PITPNC1: variants seen among roughly 807,000 people sequenced by gnomAD.
PITPNC1 encodes the protein phosphatidylinositol transfer protein cytoplasmic 1.
PITPNC1 carries 18 observed loss-of-function variants against 44.7 expected under a neutral mutation model. That is an observed-to-expected ratio of 0.40 (90% CI 0.28 to 0.60). PITPNC1 has a LOEUF of 0.60. Ranked by LOEUF, PITPNC1 falls within the 20% of genes least tolerant of loss-of-function variation. The pLI is 0.39. For missense variants in PITPNC1, 290 were observed against 418.4 expected (o/e 0.69, Z 2.68); for synonymous variants, 141 against 149.6 (o/e 0.94, Z 0.42).
At chr17:67,528,774 C>T (rs564428966) in intron 1 of PITPNC1, among the ~76,000 whole-genome samples, 1 of 152,298 alleles carries the variant, frequency 6.6e-6, no homozygotes, top group Non-Finnish European at 1.5e-5. Flanking sequence ...TCTGGAACAA[C>T]CTGAGATTCA....
chr17:67,642,567 G>T (rs1003532411), intron 6 of PITPNC1, among the ~76,000 whole-genome samples: 1 of 152,172 alleles, frequency 6.6e-6, no homozygotes, highest in Admixed American at 6.5e-5. Context: ...CAACAACCCT[G>T]GCTGCACCAT....
intron 5 of PITPNC1, among the ~76,000 whole-genome samples, chr17:67,624,817 C>G (rs1038375534): frequency 6.6e-6 from 1 of 152,144 alleles, no homozygotes; most frequent in African/African-American, 2.4e-5. Flanking sequence ...AGCCACCATG[C>G]CTGGCCACCA....
chr17:67,450,632 G>A (rs1162319103), intron 1 of PITPNC1, among the ~76,000 whole-genome samples: 2 of 152,080 alleles, frequency 1.3e-5, no homozygotes, highest in Non-Finnish European at 2.9e-5. Context: ...TCGCTGTGTT[G>A]CCCAGGCTGG....
At chr17:67,511,480 G>A (rs1202202343) in intron 1 of PITPNC1, among the ~76,000 whole-genome samples, 3 of 152,014 alleles carry the variant, frequency 2.0e-5, no homozygotes, top group African/African-American at 4.8e-5. Flanking sequence ...GACCGAGGTC[G>A]GTTCCCTTCA....
chr17:67,510,258 A>G (rs915814853), intron 1 of PITPNC1, among the ~76,000 whole-genome samples: 1 of 152,156 alleles, frequency 6.6e-6, no homozygotes, highest in African/African-American at 2.4e-5. Flanking sequence ...CAGTGGCTTC[A>G]CTGTCTTTCA....
In PITPNC1 at chr17:67,693,681, CCTTGA is replaced by C. The variant is rs2042966720; in HGVS notation, c.*798_*802del. 6.6e-6 allele frequency: 1 copy of C among 152,170 alleles called. No individual in the cohort carries two copies. The highest frequency in any genetic ancestry group is 2.1e-4 in the South Asian group (1 of 4,832). 9.4% of individuals were successfully genotyped at this position (152,170 alleles called of 1,614,324 possible). A position where few individuals can be genotyped will look rare whatever the true frequency, so the allele number is the denominator to read the frequency against. On this transcript the variant is annotated 3_prime_UTR_variant, in exon 9 of 9. Coordinates refer to ENST00000581322, the MANE Select transcript of PITPNC1 (RefSeq NM_012417.4). ...TTTTTTCTCTACAGGTACCAACAAACCTTGACTTGTCAGCTTCCATCATCAATTAA... is the reference window on the plus strand; with the variant it reads ...TTTTTTCTCTACAGGTACCAACAAACCTTGTCAGCTTCCATCATCAATTAA...
At chr17:67,393,851 T>G (rs561514715) in intron 1 of PITPNC1, among the ~76,000 whole-genome samples, 7 of 152,324 alleles carry the variant, frequency 4.6e-5, no homozygotes, top group East Asian at 3.9e-4. Context: ...GCTTATTTTT[T>G]GGGATTTTAG....
chr17:67,678,778 T>A (rs1011711676), intron 8 of PITPNC1, among the ~76,000 whole-genome samples: 1 of 152,224 alleles, frequency 6.6e-6, no homozygotes, highest in Non-Finnish European at 1.5e-5. Flanking sequence ...AGCATTACCC[T>A]TCCACTCCAT....
At chr17:67,470,532 C>G (rs919327121) in intron 1 of PITPNC1, among the ~76,000 whole-genome samples, 13 of 152,202 alleles carry the variant, frequency 8.5e-5, no homozygotes, top group African/African-American at 2.9e-4. Flanking sequence ...TTGCTCAACA[C>G]AATGTTTTTG....
At chr17:67,447,089 C>CAAAAAAAAAAAA (rs749024248) in intron 1 of PITPNC1, among the ~76,000 whole-genome samples, 1 of 35,344 alleles carries the variant, frequency 2.8e-5, no homozygotes, top group African/African-American at 1.0e-4. Flanking sequence ...GACTCTGTCT[C>CAAAAAAAAAAAA]AAAAAAAAAA....
In PITPNC1 at chr17:67,645,934, GGCC is replaced by G. The variant is rs1279455137; in HGVS notation, c.462+13697_462+13699del. ...GAGGCCAAGAGTTCGAGACCAGCCT[GGCC>G]AACCTGGCAAAAGCCTGTCTCTACT... On this transcript the variant is annotated intron_variant, in intron 6 of 8. Transcript: ENST00000581322. Among the ~76,000 whole-genome samples the G allele has an allele frequency of 2.0e-5, 3 of 152,148 alleles. No homozygotes were observed. In the East Asian group the frequency reaches 5.8e-4, roughly 29 times the overall value.
chr17:67,401,377 G>A (rs774329123), intron 1 of PITPNC1, among the ~76,000 whole-genome samples: 4 of 152,056 alleles, frequency 2.6e-5, no homozygotes, highest in Admixed American at 1.3e-4. Context: ...CCATCGCTTG[G>A]GTGTGGGCTC....
At chr17:67,502,484 A>C (rs1472593166) in intron 1 of PITPNC1, among the ~76,000 whole-genome samples, 2 of 152,188 alleles carry the variant, frequency 1.3e-5, no homozygotes, top group Non-Finnish European at 2.9e-5. Context: ...GGGTTGGCCC[A>C]AGTAACAAAA....
At chr17:67,690,408 G>A (rs913669781) in intron 8 of PITPNC1, among the ~76,000 whole-genome samples, 2 of 147,856 alleles carry the variant, frequency 1.4e-5, no homozygotes, top group African/African-American at 2.5e-5. Context: ...AGATCTCGCC[G>A]TTGCACTCCA....
At chr17:67,507,666 A>G (rs866768766) in intron 1 of PITPNC1, among the ~76,000 whole-genome samples, 1 of 140,720 alleles carries the variant, frequency 7.1e-6, no homozygotes, top group Non-Finnish European at 1.5e-5. Context: ...CCTGGGTGAC[A>G]GGGCAAGACT....
chr17:67,456,368 A>C (rs1365391202), intron 1 of PITPNC1, among the ~76,000 whole-genome samples: 5 of 152,190 alleles, frequency 3.3e-5, no homozygotes, highest in African/African-American at 1.2e-4. Flanking sequence ...GGGTTTTTAA[A>C]CCAGCTATTA....
chr17:67,397,991 G>C (rs1046768978), intron 1 of PITPNC1, among the ~76,000 whole-genome samples: 1 of 151,986 alleles, frequency 6.6e-6, no homozygotes, highest in Non-Finnish European at 1.5e-5. Flanking sequence ...TACTCGAGAG[G>C]CTGGGGCAGG....
At position 67,408,107 on chromosome 17, in the gene PITPNC1, G is replaced by A. The variant is rs1046129943; in HGVS notation, c.48+29905G>A. On this transcript the variant is annotated intron_variant, in intron 1 of 8. Transcript: ENST00000581322. Reference sequence around the variant, plus strand: ...GCAGCTGGGATTACAGGCATGCACCGCCACGCCCAGCTAATTTTTTGTATT... The same window carrying A: ...GCAGCTGGGATTACAGGCATGCACCACCACGCCCAGCTAATTTTTTGTATT... Among the ~76,000 whole-genome samples the A allele has an allele frequency of 5.5e-4, 82 of 150,374 alleles. No homozygotes were observed. In the East Asian group the frequency reaches 0.013, roughly 23 times the overall value.
intron 1 of PITPNC1, among the ~76,000 whole-genome samples, chr17:67,463,851 A>G (rs1441272691): frequency 1.3e-5 from 2 of 151,882 alleles, no homozygotes; most frequent in East Asian, 3.9e-4. Context: ...AGCTTGCAGC[A>G]CCACTGCACT....
Sources: allele counts gnomAD v4.1 joint callset (sites outside exome capture counted in the v4.1 genomes callset), GRCh38; gene constraint gnomAD v4.1.1; transcripts MANE v1.5; gene names NCBI Gene and HGNC (gene_info 2026-07-23, HGNC 2026-07-21).